Variants in ISCU observed in about 807,000 individuals in gnomAD.
ISCU encodes iron-sulfur cluster assembly enzyme, also known as iron-sulfur cluster assembly enzyme ISCU.
In ISCU, 13 loss-of-function variants were observed where a neutral mutation model predicts 18.4. That is an observed-to-expected ratio of 0.71 (90% confidence interval 0.46 to 1.12). The LOEUF (loss-of-function observed/expected upper bound fraction) is 1.12. Among genes scored for constraint, ISCU ranks in the 50% most tolerant of loss-of-function variants. The pLI, the probability that ISCU is intolerant of heterozygous loss-of-function variation, is 0.00. For synonymous variants in ISCU, 104 were observed against 87.5 expected, an observed-to-expected ratio of 1.19 and a Z score of -1.06; for missense variants, 229 against 208.7, an observed-to-expected ratio of 1.10 and a Z score of -0.60.
chr12:108,562,691 G>T lies in ISCU; in HGVS notation c.69G>T (p.Leu23=). The T allele has an allele frequency of 1.3e-6, 2 of 1,483,608 alleles. No homozygotes were observed. The highest frequency in any genetic ancestry group is 1.3e-5 in the South Asian group (1 of 75,786). The allele number at this position is 1,483,608 out of a possible 1,614,324, so 91.9% of individuals were successfully genotyped here. ...CTCTGCTGCTGCGGAGCCCCCGCCTGCCCGCCCGGGAGCTGTCGGCCCCGG... is the reference window on the plus strand; with the variant it reads ...CTCTGCTGCTGCGGAGCCCCCGCCTTCCCGCCCGGGAGCTGTCGGCCCCGG... ...ASALLLRSPR[L]PARELSAPAR... The change falls in exon 1 of 5, where the codon CTG becomes CTT. Residue 23 remains leucine, a synonymous_variant. Coordinates refer to ENST00000311893, the MANE Select transcript of ISCU (RefSeq NM_213595.4).
rs1484948688 is a variant in ISCU, at chr12:108,562,726, A to G, written c.104A>G (p.Tyr35Cys). ...ARELSAPARLYHKKVVDHYEN... is the reference protein window; with the variant it reads ...ARELSAPARLCHKKVVDHYEN... ...GAGCTGTCGGCCCCGGCCCGACTCT[A>G]TCACAAGAAGGTAGGGACAAAAGAG... Residue 35 changes from tyrosine (Y) to cysteine (C), a missense_variant, in exon 1 of 5, where the codon TAT (tyrosine) becomes TGT (cysteine). Physicochemically the swap from Tyr to Cys is radical, Grantham distance 194 (BLOSUM62 -2). Coordinates refer to ENST00000311893, the MANE Select transcript of ISCU (RefSeq NM_213595.4). 16 of 1,473,032 alleles carry G rather than the reference A, an allele frequency of 1.1e-5. No homozygotes were observed. Among genetic ancestry groups the G allele is most frequent in the Non-Finnish European group, 1.4e-5 (16 of 1,125,104 alleles). 91.2% of individuals were successfully genotyped at this position (1,473,032 alleles called of 1,614,324 possible). A position where few individuals can be genotyped will look rare whatever the true frequency, so the allele number is the denominator to read the frequency against.
At chr12:108,566,848 A>G (rs1276009475) in intron 3 of ISCU, among the ~76,000 whole-genome samples, 2 of 152,238 alleles carry the variant, frequency 1.3e-5, no homozygotes, top group East Asian at 3.8e-4. Flanking sequence ...TCACAAAACC[A>G]GCATAGGAAA....
Position 108,564,664 on chromosome 12 carries a change from G to A in ISCU, c.228+272G>A, listed in dbSNP as rs553443014. On this transcript the variant is annotated intron_variant, in intron 2 of 4. Coordinates refer to ENST00000311893, the MANE Select transcript of ISCU (RefSeq NM_213595.4). ...TACTCACTGTATCAGTTTAAATTCTGACTTCAGCCAACTAAAGAGTTTTGT... is the reference window on the plus strand; with the variant it reads ...TACTCACTGTATCAGTTTAAATTCTAACTTCAGCCAACTAAAGAGTTTTGT... Among the ~76,000 whole-genome samples, 46 of 152,294 alleles carry A rather than the reference G, an allele frequency of 3.0e-4. No homozygotes were observed. In the South Asian group the frequency reaches 8.9e-3, roughly 30 times the overall value.
chr12:108,569,105 T>C lies in ISCU; in HGVS notation c.*189T>C, dbSNP rs1331556011. 1.6e-6 allele frequency: 1 copy of C among 616,962 alleles called. No individual in the cohort carries two copies. The highest frequency in any genetic ancestry group is 2.9e-6 in the Non-Finnish European group (1 of 347,242). 38.2% of individuals were successfully genotyped at this position (616,962 alleles called of 1,614,324 possible). Reference sequence around the variant, plus strand: ...TTTCATTGTTCTGAATCCTGTGGTTTCTTTCAGCCCACTTTTATCGCCTTA... The same window carrying C: ...TTTCATTGTTCTGAATCCTGTGGTTCCTTTCAGCCCACTTTTATCGCCTTA... On this transcript the variant is annotated 3_prime_UTR_variant, in exon 5 of 5. Transcript: ENST00000311893.
intron 1 of ISCU, chr12:108,564,064 C>T (rs1447878469): frequency 6.2e-6 from 10 of 1,601,274 alleles, no homozygotes; most frequent in African/African-American, 1.3e-5. Context: ...TTCTAGGTAT[C>T]TCAAATCTGT....
chr12:108,568,588 T>C, intron 4 of ISCU: 2 of 1,389,604 alleles, frequency 1.4e-6, no homozygotes, highest in Non-Finnish European at 1.9e-6. Flanking sequence ...TCAAAGAGGC[T>C]AAGGAACTAG....
intron 1 of ISCU, chr12:108,563,632 T>G: frequency 4.1e-6 from 1 of 244,542 alleles, no homozygotes; most frequent in South Asian, 4.8e-5. Flanking sequence ...GCTTCTGCCC[T>G]TTCTCCAAGG....
At chr12:108,561,475 G>C, upstream of ISCU, 1 of 321,994 alleles carries the variant, frequency 3.1e-6, no homozygotes, top group South Asian at 4.5e-5. Flanking sequence ...TGAAGAATTT[G>C]GCGCCATCTT....
intron 3 of ISCU, among the ~76,000 whole-genome samples, chr12:108,566,661 G>A (rs534788641): frequency 6.6e-6 from 1 of 152,308 alleles, no homozygotes; most frequent in Non-Finnish European, 1.5e-5. Context: ...TTGATCTGGA[G>A]GAGATGCTCC....
intron 2 of ISCU, chr12:108,564,984 TTTAAAGAGG>T (rs2030821483): frequency 2.7e-6 from 1 of 368,696 alleles, no homozygotes; most frequent in Non-Finnish European, 5.0e-6. Flanking sequence ...TCTGTCAGTG[TTTAAAGAGG>T]CCAGATTGCC....
chr12:108,563,310 G>C (rs952455127), intron 1 of ISCU: 1 of 152,750 alleles, frequency 6.5e-6, no homozygotes, highest in Admixed American at 6.5e-5. Flanking sequence ...GTTTTGTTTG[G>C]GGGGTTTTTT....
At chr12:108,567,935 G>A in intron 4 of ISCU, 11 of 1,424,986 alleles carry the variant, frequency 7.7e-6, no homozygotes, top group Non-Finnish European at 1.1e-5. Context: ...GAAGGAATGA[G>A]AAACATTAGC....
rs768274666 is a variant in ISCU, at chr12:108,564,348, G to T, written c.184G>T (p.Gly62Ter). 3 of 1,614,046 alleles carry T rather than the reference G, an allele frequency of 1.9e-6. No individual in the cohort carries two copies. The highest frequency in any genetic ancestry group is 2.7e-5 in the African/African-American group (2 of 74,942). ...LDKTSKNVGTGLVGAPACGDV... is the reference protein window; with the variant it reads ...LDKTSKNVGT ...CAAGACATCTAAAAATGTTGGAACT[G>T]GACTGGTGGGGGCTCCAGCATGTGG... is the stretch of plus-strand genomic sequence containing the variant. The change falls in exon 2 of 5, where the codon GGA becomes TGA. Residue 62 changes from glycine to a stop codon, truncating the protein, a stop_gained. Transcript: ENST00000311893. LOFTEE classifies it high-confidence loss of function.
intron 4 of ISCU, chr12:108,568,206 T>TA (rs2030990344): frequency 7.9e-7 from 1 of 1,264,924 alleles, no homozygotes; most frequent in Non-Finnish European, 9.9e-7. Flanking sequence ...CCTTTTTAGG[T>TA]ACTGAAACCT....
intron 2 of ISCU, 78 bp from the exon 3 acceptor site, chr12:108,565,243 C>T (rs2030833960): frequency 1.0e-6 from 1 of 1,003,012 alleles, no homozygotes; most frequent in Non-Finnish European, 1.6e-6. Flanking sequence ...TTGGGGAAGG[C>T]CCTGGTGAAC....
chr12:108,562,459 G>T, upstream of ISCU: 1 of 443,122 alleles, frequency 2.3e-6, no homozygotes, highest in Non-Finnish European at 3.9e-6. Context: ...CCCGAGAGGC[G>T]TGGTCAAGGC....
At chr12:108,562,553 C>T, upstream of ISCU, 1 of 887,802 alleles carries the variant, frequency 1.1e-6, no homozygotes, top group Non-Finnish European at 1.6e-6. Flanking sequence ...GCTCCCAGCT[C>T]GGAGCCGACT....
At position 108,567,261 on chromosome 12, in the gene ISCU, C is replaced by T; in HGVS notation, c.411C>T (p.His137=). The T allele has an allele frequency of 6.2e-7, 1 of 1,612,962 alleles. No individual in the cohort carries two copies. Among genetic ancestry groups the T allele is most frequent in the Non-Finnish European group, 8.5e-7 (1 of 1,178,974 alleles). ...TCTGCCTTCCTCCCGTGAAACTGCACTGCTCCAGTAAGTCTCTGCTCTCCA... is the reference window on the plus strand; with the variant it reads ...TCTGCCTTCCTCCCGTGAAACTGCATTGCTCCAGTAAGTCTCTGCTCTCCA... ...KELCLPPVKL[H]CSMLAEDAIK... is the part of the protein sequence containing the mutation. Residue 137 remains histidine, a synonymous_variant, in exon 4 of 5, where the codon CAC becomes CAT. Transcript: ENST00000311893.
In ISCU at chr12:108,562,753, G is replaced by GT. The variant is rs775208382; in HGVS notation, c.114+17_114+18insT. On this transcript the variant is annotated intron_variant, in intron 1 of 4. Transcript: ENST00000311893. The stretch of plus-strand genomic sequence containing the variant: ...CACAAGAAGGTAGGGACAAAAGAGG[G>GT]ACGCGCGGAATGCCGACTCAGCGGA... 2.8e-5 allele frequency: 39 copies of GT among 1,372,848 alleles called. No homozygotes were observed. The highest frequency in any genetic ancestry group is 2.1e-4 in the African/African-American group (14 of 66,366). 85.0% of individuals were successfully genotyped at this position (1,372,848 alleles called of 1,614,324 possible).
Sources: gnomAD v4.1 joint callset for allele counts (sites outside exome capture counted in the v4.1 genomes callset) on GRCh38, gnomAD v4.1.1 for gene constraint, MANE v1.5 for transcripts, NCBI Gene and HGNC (gene_info 2026-07-23, HGNC 2026-07-21) for gene names.